SQOR: variants seen among roughly 807,000 people sequenced by gnomAD.
SQOR encodes sulfide:quinone oxidoreductase, mitochondrial.
Under a neutral mutation model 48.6 loss-of-function variants are expected in SQOR, and 39 were observed. That is an observed-to-expected ratio of 0.80 (90% CI 0.62 to 1.05). SQOR has a LOEUF of 1.05. Among genes scored for constraint, SQOR ranks in the 50% least tolerant of loss-of-function variants. The pLI is 0.00. For missense variants in SQOR, 561 were observed against 559.9 expected (o/e 1.00, Z -0.02); for synonymous variants, 220 against 206.2 (o/e 1.07, Z -0.57).
At position 45,638,779 on chromosome 15, in the gene SQOR, G is replaced by A. The variant is rs190923550; in HGVS notation, c.-18+3671G>A. ...AGGAAAATTAAGTTAGGTCATTAAG[G>A]TGGAGCCCTAATCCAATATGAATAG... On this transcript the variant is annotated intron_variant, in intron 1 of 9. Transcript: ENST00000260324. 1.8e-3 allele frequency among the ~76,000 whole-genome samples: 274 copies of A among 151,994 alleles called. 4 individuals carry two copies. Among genetic ancestry groups the A allele is most frequent in the Admixed American group, 3.8e-3 (58 of 15,250 alleles).
chr15:45,632,213 C>T (rs953566373), upstream of SQOR, among the ~76,000 whole-genome samples: 2 of 143,860 alleles, frequency 1.4e-5, no homozygotes, highest in African/African-American at 2.6e-5. Context: ...TCCCTCCCTC[C>T]CTCCCTCCTT....
At chr15:45,650,552 CACGAAAG>C (rs1889463020) in intron 1 of SQOR, among the ~76,000 whole-genome samples, 1 of 150,146 alleles carries the variant, frequency 6.7e-6, no homozygotes, top group African/African-American at 2.5e-5. Flanking sequence ...GCATCCACAA[CACGAAAG>C]AGGACCAGAA....
At chr15:45,663,794 A>T (rs1025182964) in intron 3 of SQOR, among the ~76,000 whole-genome samples, 12 of 152,222 alleles carry the variant, frequency 7.9e-5, no homozygotes, top group African/African-American at 2.9e-4. Context: ...CACAAAAAGA[A>T]AAAAAGAGTA....
At chr15:45,657,409 T>C (rs983147810) in intron 1 of SQOR, among the ~76,000 whole-genome samples, 2 of 152,138 alleles carry the variant, frequency 1.3e-5, no homozygotes, top group Non-Finnish European at 2.9e-5. Flanking sequence ...TTCCTTAGAT[T>C]AGATTCCTAG....
At chr15:45,634,253 AAAAG>A (rs1377486386), upstream of SQOR, among the ~76,000 whole-genome samples, 1 of 123,864 alleles carries the variant, frequency 8.1e-6, no homozygotes, top group Non-Finnish European at 1.7e-5. Context: ...AAATAAGTGT[AAAAG>A]AAACTCAAAC....
chr15:45,636,623 C>T (rs966097502), intron 1 of SQOR, among the ~76,000 whole-genome samples: 5 of 151,746 alleles, frequency 3.3e-5, no homozygotes, highest in East Asian at 3.9e-4. Context: ...AGGATGGTCT[C>T]GATCTCTTGA....
chr15:45,655,718 CTG>C (rs1241247048), intron 1 of SQOR, among the ~76,000 whole-genome samples: 1 of 148,412 alleles, frequency 6.7e-6, no homozygotes, highest in African/African-American at 2.5e-5. Flanking sequence ...GAGTCTCACT[CTG>C]TTGCCCAGGC....
chr15:45,689,065 G>A lies in SQOR; in HGVS notation c.1143G>A (p.Leu381=), dbSNP rs1566925016. 6.2e-7 allele frequency: 1 copy of A among 1,614,124 alleles called. No individual in the cohort carries two copies. Among genetic ancestry groups the A allele is most frequent in the Admixed American group, 1.7e-5 (1 of 60,006 alleles). Residue 381 remains leucine, a synonymous_variant, in exon 9 of 10, where the codon CTG becomes CTA. Coordinates refer to ENST00000260324, the MANE Select transcript of SQOR (RefSeq NM_021199.4). ...ATGATGGCTACACATCATGTCCACT[G>A]GTGACCGGCTACAACCGTGTGATTC... is the stretch of plus-strand genomic sequence containing the variant. ...KKYDGYTSCP[L]VTGYNRVILA... is the part of the protein sequence containing the mutation.
At chr15:45,655,333 G>T (rs1223449814) in intron 1 of SQOR, among the ~76,000 whole-genome samples, 1 of 152,110 alleles carries the variant, frequency 6.6e-6, no homozygotes, top group African/African-American at 2.4e-5. Context: ...TGAAAAACAT[G>T]ATTTTTCTTT....
At chr15:45,650,129 C>T (rs1038500435) in intron 1 of SQOR, among the ~76,000 whole-genome samples, 7 of 152,084 alleles carry the variant, frequency 4.6e-5, no homozygotes, top group Admixed American at 4.6e-4. Context: ...AGGCACGAGC[C>T]ACTGTGCCTG....
intron 5 of SQOR, among the ~76,000 whole-genome samples, chr15:45,675,134 C>T (rs999155433): frequency 6.6e-6 from 1 of 152,076 alleles, no homozygotes; most frequent in East Asian, 1.9e-4. Flanking sequence ...TGGTGAGATC[C>T]GGGTGAGCAA....
intron 1 of SQOR, among the ~76,000 whole-genome samples, chr15:45,644,554 A>G (rs1356163976): frequency 6.6e-6 from 1 of 152,216 alleles, no homozygotes; most frequent in African/African-American, 2.4e-5. Context: ...GGTGAGGCCA[A>G]CAGATCAGGA....
chr15:45,665,192 A>T (rs1393076317), intron 3 of SQOR, among the ~76,000 whole-genome samples: 1 of 152,222 alleles, frequency 6.6e-6, no homozygotes, highest in Non-Finnish European at 1.5e-5. Context: ...CTCACTGCTG[A>T]GTCCTACCTA....
intron 1 of SQOR, among the ~76,000 whole-genome samples, chr15:45,658,513 A>G (rs1409446365): frequency 1.3e-5 from 2 of 152,122 alleles, no homozygotes; most frequent in Non-Finnish European, 2.9e-5. Flanking sequence ...CTGAAAATCC[A>G]CAGAAAGCAC....
intron 4 of SQOR, 35 bp downstream of exon 4, chr15:45,670,016 T>C (rs752993177): frequency 1.0e-4 from 159 of 1,593,286 alleles, no homozygotes; most frequent in Admixed American, 9.4e-4. Context: ...TTACGCTGGC[T>C]TATCTATGCC....
rs1313902297 is a variant in SQOR at position 45,662,217 on chromosome 15, C to T, written c.405+92C>T. On this transcript the variant is annotated intron_variant, in intron 3 of 9. Coordinates refer to ENST00000260324, the MANE Select transcript of SQOR (RefSeq NM_021199.4). Reference sequence around the variant, plus strand: ...ACTGGATAGCCTTGTGTTGAAAGAGCGGTATATATGCATGTGTGTGCATGA... The same window carrying T: ...ACTGGATAGCCTTGTGTTGAAAGAGTGGTATATATGCATGTGTGTGCATGA... The T allele has an allele frequency of 2.1e-5, 29 of 1,364,046 alleles. No homozygotes were observed. In the South Asian group the frequency reaches 2.6e-4, roughly 12 times the overall value. The allele number at this position is 1,364,046 out of a possible 1,614,324, so 84.5% of individuals were successfully genotyped here. A position where few individuals can be genotyped will look rare whatever the true frequency, so the allele number is the denominator to read the frequency against.
intron 1 of SQOR, among the ~76,000 whole-genome samples, chr15:45,654,094 C>G (rs1443712879): frequency 6.8e-6 from 1 of 147,890 alleles, no homozygotes; most frequent in Non-Finnish European, 1.5e-5. Context: ...TGTACTCCAG[C>G]CTGGGTGACA....
At chr15:45,657,528 C>A (rs149173971) in intron 1 of SQOR, among the ~76,000 whole-genome samples, 2 of 152,148 alleles carry the variant, frequency 1.3e-5, no homozygotes, top group African/African-American at 4.8e-5. Flanking sequence ...CTCCAAATCC[C>A]CTTCCTACAG....
At position 45,664,255 on chromosome 15, in the gene SQOR, TC is replaced by T. The variant is rs570043304; in HGVS notation, c.405+2131del. Among the ~76,000 whole-genome samples the T allele has an allele frequency of 3.9e-3, 587 of 152,332 alleles. 4 individuals carry two copies. The highest frequency in any genetic ancestry group is 0.014 in the African/African-American group (563 of 41,574). On this transcript the variant is annotated intron_variant, in intron 3 of 9. Coordinates refer to ENST00000260324, the MANE Select transcript of SQOR (RefSeq NM_021199.4). The stretch of plus-strand genomic sequence containing the variant: ...TTCCTGTAACTTTTTTTGTATTCTT[TC>T]TTGGACACCCAGGATGTTATTGTTT...
Sources: gnomAD v4.1 joint callset for allele counts (sites outside exome capture counted in the v4.1 genomes callset) on GRCh38, gnomAD v4.1.1 for gene constraint, MANE v1.5 for transcripts, NCBI Gene and HGNC (gene_info 2026-07-23, HGNC 2026-07-21) for gene names.